ARL15: variants seen among roughly 807,000 people sequenced by gnomAD.
The protein encoded by ARL15 is ARF like GTPase 15.
In ARL15, 19 loss-of-function variants were observed where a neutral mutation model predicts 25.2. That is an observed-to-expected ratio of 0.75 (90% CI 0.53 to 1.10). ARL15 has a LOEUF of 1.10. ARL15 is among the 50% of genes least tolerant of loss of function. The probability of loss-of-function intolerance (pLI) is 0.00; values close to 1 mark genes in which losing one functional copy is unlikely to be tolerated. For synonymous variants in ARL15, 94 were observed against 86.8 expected, an observed-to-expected ratio of 1.08 and a Z score of -0.46; for missense variants, 220 against 246.0, an observed-to-expected ratio of 0.89 and a Z score of 0.71.
At chr5:54,025,343 G>A (rs1749759090) in intron 4 of ARL15, among the ~76,000 whole-genome samples, 1 of 149,622 alleles carries the variant, frequency 6.7e-6, no homozygotes, top group Admixed American at 6.6e-5. Context: ...CACTTCCCAT[G>A]CCAAGAACAG....
intron 4 of ARL15, among the ~76,000 whole-genome samples, chr5:54,014,710 G>C (rs552001364): frequency 6.6e-6 from 1 of 151,828 alleles, no homozygotes; most frequent in African/African-American, 2.4e-5. Flanking sequence ...AATTTTAATA[G>C]AGACGGGGTT....
At chr5:54,017,974 A>T (rs905149400) in intron 4 of ARL15, among the ~76,000 whole-genome samples, 6 of 151,962 alleles carry the variant, frequency 3.9e-5, no homozygotes, top group African/African-American at 1.4e-4. Context: ...TAATTCTAAA[A>T]ATAAGAAAAA....
rs188363722 is a variant in ARL15, at chr5:54,130,129, T to C, written c.254-16719A>G. Among the ~76,000 whole-genome samples the C allele has an allele frequency of 1.9e-4, 29 of 152,162 alleles. No homozygotes were observed. The East Asian group carries it at 4.5e-3, about 23-fold the overall frequency. On this transcript the variant is annotated intron_variant, in intron 3 of 4. Coordinates refer to ENST00000504924, the MANE Select transcript of ARL15 (RefSeq NM_019087.3). The stretch of plus-strand genomic sequence containing the variant: ...GGCACATGCCTGTAGTCCCAGATAA[T>C]TGGGAGGCTGAAGCAAAAGAATTGC...
At chr5:54,087,193 T>A (rs11743937) in intron 4 of ARL15, among the ~76,000 whole-genome samples, 1 of 152,044 alleles carries the variant, frequency 6.6e-6, no homozygotes. Context: ...CCAGGCGTGG[T>A]GGCAGGTGCC....
At chr5:53,968,313 T>C (rs1747631419) in intron 4 of ARL15, among the ~76,000 whole-genome samples, 1 of 152,210 alleles carries the variant, frequency 6.6e-6, no homozygotes, top group East Asian at 1.9e-4. Context: ...TCTTCTATTT[T>C]ATAATTATCT....
chr5:54,164,173 AT>A (rs70986664), intron 2 of ARL15, among the ~76,000 whole-genome samples: 34 of 150,292 alleles, frequency 2.3e-4, no homozygotes, highest in South Asian at 1.7e-3. Context: ...AATACTTGAG[AT>A]TTTTTTTTTC....
intron 1 of ARL15, among the ~76,000 whole-genome samples, chr5:54,240,152 G>A (rs185442312): frequency 0.012 from 1,789 of 151,466 alleles, 36 homozygotes; most frequent in African/African-American, 0.041. Context: ...GCATGAACCC[G>A]GGAGGCGGAG....
chr5:53,981,106 C>T (rs1353946012), intron 4 of ARL15, among the ~76,000 whole-genome samples: 1 of 152,114 alleles, frequency 6.6e-6, no homozygotes, highest in African/African-American at 2.4e-5. Flanking sequence ...TCAGAACGAA[C>T]CCCGGTTTAG....
intron 4 of ARL15, among the ~76,000 whole-genome samples, chr5:53,946,455 G>GAAAAAAAAA (rs55727717): frequency 2.3e-5 from 1 of 43,956 alleles, no homozygotes; most frequent in Admixed American, 3.5e-4. Flanking sequence ...GTCTCAAGAG[G>GAAAAAAAAA]AAAAAAAAAA....
intron 1 of ARL15, among the ~76,000 whole-genome samples, chr5:54,263,019 T>G (rs944594626): frequency 6.6e-6 from 1 of 152,170 alleles, no homozygotes; most frequent in Non-Finnish European, 1.5e-5. Flanking sequence ...AGGATAACAA[T>G]ATGGCAAATT....
intron 1 of ARL15, among the ~76,000 whole-genome samples, chr5:54,208,412 A>AG (rs1561267304): frequency 2.0e-5 from 3 of 151,994 alleles, no homozygotes; most frequent in Non-Finnish European, 1.5e-5. Context: ...GCGCACACAC[A>AG]CACGCACACA....
At chr5:54,184,917 A>G (rs1024079352) in intron 1 of ARL15, among the ~76,000 whole-genome samples, 1 of 152,054 alleles carries the variant, frequency 6.6e-6, no homozygotes, top group Non-Finnish European at 1.5e-5. Flanking sequence ...TCCTACTCCA[A>G]TTCAGTCTCC....
intron 1 of ARL15, among the ~76,000 whole-genome samples, chr5:54,291,418 T>TA (rs1318793089): frequency 2.0e-5 from 3 of 152,250 alleles, no homozygotes; most frequent in Non-Finnish European, 4.4e-5. Flanking sequence ...TACTTATACC[T>TA]AATACAATGA....
At chr5:54,126,664 C>T (rs991366546) in intron 3 of ARL15, among the ~76,000 whole-genome samples, 2 of 152,178 alleles carry the variant, frequency 1.3e-5, no homozygotes, top group African/African-American at 4.8e-5. Flanking sequence ...TGGATTAATG[C>T]TGATTATAAA....
intron 1 of ARL15, among the ~76,000 whole-genome samples, chr5:54,250,114 C>A (rs1757201947): frequency 6.6e-6 from 1 of 152,116 alleles, no homozygotes; most frequent in Admixed American, 6.5e-5. Flanking sequence ...TGGCAGAAGG[C>A]TAGCAGGGAG....
At chr5:54,108,137 C>T (rs1752642438) in intron 4 of ARL15, among the ~76,000 whole-genome samples, 2 of 151,936 alleles carry the variant, frequency 1.3e-5, no homozygotes, top group African/African-American at 2.4e-5. Flanking sequence ...ATTCTTATAC[C>T]TAATGAAATG....
At chr5:54,179,044 G>A (rs1754970761) in intron 1 of ARL15, among the ~76,000 whole-genome samples, 1 of 152,126 alleles carries the variant, frequency 6.6e-6, no homozygotes, top group Non-Finnish European at 1.5e-5. Flanking sequence ...TTAAAGAGGA[G>A]GAAACTGAGG....
intron 1 of ARL15, among the ~76,000 whole-genome samples, chr5:54,246,938 A>G (rs2112588796): frequency 6.6e-6 from 1 of 152,200 alleles, no homozygotes; most frequent in South Asian, 2.1e-4. Context: ...AAAGCCCAGG[A>G]TGGTCGGGGA....
intron 1 of ARL15, among the ~76,000 whole-genome samples, chr5:54,297,793 T>G (rs921009390): frequency 4.6e-5 from 7 of 152,176 alleles, no homozygotes; most frequent in Admixed American, 3.3e-4. Flanking sequence ...TCTACTTTCT[T>G]TTTTTTTGAG....
Sources: gnomAD v4.1 joint callset for allele counts (sites outside exome capture counted in the v4.1 genomes callset) on GRCh38, gnomAD v4.1.1 for gene constraint, MANE v1.5 for transcripts, NCBI Gene and HGNC (gene_info 2026-07-23, HGNC 2026-07-21) for gene names.